Variants in SHB observed in about 807,000 individuals in gnomAD.
The protein encoded by SHB is SH2 domain-containing adapter protein B.
A neutral mutation model predicts 52.3 loss-of-function variants in SHB; 20 were observed. The observed-to-expected ratio is 0.38, with a 90% confidence interval of 0.27 to 0.56. The LOEUF is 0.56. SHB is among the 20% of genes least tolerant of loss of function. SHB has a pLI of 0.71. For missense variants in SHB, 825 were observed against 723.3 expected (o/e 1.14, Z -1.61); for synonymous variants, 397 against 316.5 (o/e 1.25, Z -2.70).
At position 37,918,628 on chromosome 9, in the gene SHB, G is replaced by A. The variant is rs763531174; in HGVS notation, c.*1193C>T. On this transcript the variant is annotated 3_prime_UTR_variant, in exon 6 of 6. Transcript: ENST00000377707. ...GACAGCAAGGCCATGCAGAACCAAC[G>A]AAAGAGCATTGGCTGCAGAACCGCT... Among the ~76,000 whole-genome samples the A allele has an allele frequency of 2.0e-5, 3 of 152,310 alleles. No homozygotes were observed. The highest frequency in any genetic ancestry group is 2.1e-4 in the South Asian group (1 of 4,830).
chr9:37,919,754 T>G lies in SHB; in HGVS notation c.*67A>C, dbSNP rs1587189057. The G allele has an allele frequency of 9.2e-6, 12 of 1,301,816 alleles. No homozygotes were observed. The highest frequency in any genetic ancestry group is 7.0e-5 in the East Asian group (3 of 43,098). The allele number at this position is 1,301,816 out of a possible 1,614,324, so 80.6% of individuals were successfully genotyped here. On this transcript the variant is annotated 3_prime_UTR_variant, in exon 6 of 6. Transcript: ENST00000377707. Reference sequence around the variant, plus strand: ...CAGCCAGCAACAGTGGCTGGGCTGGTTGGTGGGGGGCCTCTGGCACCTCCA... The same window carrying G: ...CAGCCAGCAACAGTGGCTGGGCTGGGTGGTGGGGGGCCTCTGGCACCTCCA...
chr9:38,032,751 C>A (rs957555560), intron 1 of SHB, among the ~76,000 whole-genome samples: 1 of 152,208 alleles, frequency 6.6e-6, no homozygotes, highest in African/African-American at 2.4e-5. Flanking sequence ...GCCAGTGCAG[C>A]GTGGCACAGT....
chr9:37,950,541 C>T (rs1214009072), intron 4 of SHB, among the ~76,000 whole-genome samples: 1 of 152,196 alleles, frequency 6.6e-6, no homozygotes, highest in Non-Finnish European at 1.5e-5. Context: ...ACATGATGGT[C>T]TCTGCGCGGT....
chr9:37,937,599 G>A lies in SHB; in HGVS notation c.1346+11036C>T, dbSNP rs1832386440. Among the ~76,000 whole-genome samples, 4 of 152,244 alleles carry A rather than the reference G, an allele frequency of 2.6e-5. No homozygotes were observed. In the South Asian group the frequency reaches 8.3e-4, roughly 32 times the overall value. On this transcript the variant is annotated intron_variant, in intron 5 of 5. Transcript: ENST00000377707. The stretch of plus-strand genomic sequence containing the variant: ...TAGACCCGCGGATGGAACAGCCTCT[G>A]CTCCAACAGAGGGCAAGGGCGCCTG...
At chr9:37,975,548 C>T (rs1646238118) in intron 2 of SHB, among the ~76,000 whole-genome samples, 1 of 152,174 alleles carries the variant, frequency 6.6e-6, no homozygotes, top group Non-Finnish European at 1.5e-5. Flanking sequence ...GGGATGACTG[C>T]CTGTCTAGAC....
chr9:37,958,333 G>A (rs1161000846), intron 3 of SHB, among the ~76,000 whole-genome samples: 4 of 152,156 alleles, frequency 2.6e-5, no homozygotes, highest in African/African-American at 9.7e-5. Flanking sequence ...ACCACAGGCT[G>A]AAGTGCAGCA....
intron 2 of SHB, among the ~76,000 whole-genome samples, chr9:37,984,569 C>CT (rs891127316): frequency 6.6e-6 from 1 of 152,170 alleles, no homozygotes; most frequent in African/African-American, 2.4e-5. Flanking sequence ...TTTCCAGACA[C>CT]TTTCTGACAT....
At chr9:37,985,434 A>G (rs565120772) in intron 2 of SHB, among the ~76,000 whole-genome samples, 72 of 152,368 alleles carry the variant, frequency 4.7e-4, no homozygotes, top group African/African-American at 1.7e-3. Flanking sequence ...AATGATCCAC[A>G]GTGTCCATTA....
At chr9:37,942,234 T>C (rs574295038) in intron 5 of SHB, among the ~76,000 whole-genome samples, 2 of 152,342 alleles carry the variant, frequency 1.3e-5, no homozygotes, top group East Asian at 1.9e-4. Context: ...CAAACCCGGC[T>C]GCTCTAAGCC....
intron 5 of SHB, among the ~76,000 whole-genome samples, chr9:37,937,683 G>A (rs975328892): frequency 2.6e-5 from 4 of 152,252 alleles, no homozygotes; most frequent in African/African-American, 9.6e-5. Context: ...CATTTGAACT[G>A]CGGGAGCGAA....
intron 5 of SHB, among the ~76,000 whole-genome samples, chr9:37,927,769 C>T (rs991705348): frequency 3.9e-5 from 6 of 152,152 alleles, no homozygotes; most frequent in Admixed American, 1.3e-4. Context: ...GGGTGGATCC[C>T]GCTGGATGCC....
At chr9:37,994,322 G>A (rs950248629) in intron 2 of SHB, among the ~76,000 whole-genome samples, 3 of 152,298 alleles carry the variant, frequency 2.0e-5, no homozygotes, top group Admixed American at 6.5e-5. Flanking sequence ...GAAGAGCACC[G>A]TGCATATAAA....
At chr9:37,926,804 T>C (rs1033397397) in intron 5 of SHB, among the ~76,000 whole-genome samples, 4 of 152,208 alleles carry the variant, frequency 2.6e-5, no homozygotes, top group Non-Finnish European at 5.9e-5. Flanking sequence ...GGCTACCTCC[T>C]TACAGACACT....
At chr9:38,031,027 T>G (rs1821405795) in intron 1 of SHB, among the ~76,000 whole-genome samples, 1 of 151,956 alleles carries the variant, frequency 6.6e-6, no homozygotes, top group Admixed American at 6.6e-5. Flanking sequence ...CACCCACATT[T>G]TATGAAGGAA....
chr9:38,004,634 A>C (rs1199325037), intron 2 of SHB, among the ~76,000 whole-genome samples: 1 of 152,224 alleles, frequency 6.6e-6, no homozygotes, highest in African/African-American at 2.4e-5. Flanking sequence ...AGGGGCCAAG[A>C]GAGGCCCACT....
Position 38,067,857 on chromosome 9 carries a change from C to A in SHB, c.717+72G>T, listed in dbSNP as rs907557867. 9 of 1,383,538 alleles carry A rather than the reference C, an allele frequency of 6.5e-6. No homozygotes were observed. The Admixed American group carries it at 2.9e-4, about 45-fold the overall frequency. 85.7% of individuals were successfully genotyped at this position (1,383,538 alleles called of 1,614,324 possible). A position where few individuals can be genotyped will look rare whatever the true frequency, so the allele number is the denominator to read the frequency against. Reference sequence around the variant, plus strand: ...CTGAAGTAGAGACTCAACACCAGAGCGGCGGGTGCCTCGGTTTCCCCGTGC... The same window carrying A: ...CTGAAGTAGAGACTCAACACCAGAGAGGCGGGTGCCTCGGTTTCCCCGTGC... On this transcript the variant is annotated intron_variant, in intron 1 of 5. Transcript: ENST00000377707.
intron 2 of SHB, among the ~76,000 whole-genome samples, chr9:37,996,004 G>C (rs1820942477): frequency 6.6e-6 from 1 of 152,134 alleles, no homozygotes; most frequent in Admixed American, 6.5e-5. Flanking sequence ...TCTCTTACAG[G>C]GTTCACCAGA....
At chr9:37,937,919 G>A (rs1330529366) in intron 5 of SHB, among the ~76,000 whole-genome samples, 1 of 152,120 alleles carries the variant, frequency 6.6e-6, no homozygotes, top group Admixed American at 6.5e-5. Flanking sequence ...CCAGGGTCTT[G>A]ACCTGGATGA....
At chr9:37,985,171 C>T (rs1820789414) in intron 2 of SHB, among the ~76,000 whole-genome samples, 1 of 152,232 alleles carries the variant, frequency 6.6e-6, no homozygotes, top group Admixed American at 6.5e-5. Context: ...AGAGCAGGGC[C>T]TATGGCTGCC....
Sources: gnomAD v4.1 joint callset for allele counts (sites outside exome capture counted in the v4.1 genomes callset) on GRCh38, gnomAD v4.1.1 for gene constraint, MANE v1.5 for transcripts, NCBI Gene and HGNC (gene_info 2026-07-23, HGNC 2026-07-21) for gene names.